The following CDK6 variants were observed in gnomAD, a reference collection of about 807,000 sequenced individuals.
CDK6 encodes the protein cyclin-dependent kinase 6.
CDK6 carries 6 observed loss-of-function variants against 37.1 expected under a neutral mutation model. That is an observed-to-expected ratio of 0.16 (90% CI 0.09 to 0.32). CDK6 has a LOEUF of 0.32. Ranked by LOEUF, CDK6 falls within the 10% of genes least tolerant of loss-of-function variation. CDK6 has a pLI of 1.00. For missense variants in CDK6, 224 were observed against 418.9 expected, an observed-to-expected ratio of 0.53 and a Z score of 4.06; for synonymous variants, 160 against 161.3, an observed-to-expected ratio of 0.99 and a Z score of 0.06.
intron 4 of CDK6, among the ~76,000 whole-genome samples, chr7:92,690,170 T>C (rs942103384): frequency 5.9e-5 from 9 of 152,224 alleles, no homozygotes; most frequent in African/African-American, 2.2e-4. Context: ...GCAATTGCTT[T>C]TGGAGTCTTT....
chr7:92,807,584 A>G (rs1328072987), intron 2 of CDK6, among the ~76,000 whole-genome samples: 2 of 151,816 alleles, frequency 1.3e-5, no homozygotes, highest in Non-Finnish European at 2.9e-5. Flanking sequence ...ATATAAATAC[A>G]TATTATTTTT....
At chr7:92,692,527 G>A (rs1201772131) in intron 4 of CDK6, among the ~76,000 whole-genome samples, 1 of 151,378 alleles carries the variant, frequency 6.6e-6, no homozygotes, top group Admixed American at 6.6e-5. Flanking sequence ...GCTCATGCCT[G>A]TAATCCAGCA....
chr7:92,814,456 A>G (rs1800970856), intron 2 of CDK6, among the ~76,000 whole-genome samples: 1 of 152,062 alleles, frequency 6.6e-6, no homozygotes, highest in African/African-American at 2.4e-5. Context: ...GACATTACCC[A>G]AATTTAAGAA....
At chr7:92,679,222 C>A (rs908199648) in intron 4 of CDK6, among the ~76,000 whole-genome samples, 3 of 152,134 alleles carry the variant, frequency 2.0e-5, no homozygotes, top group Admixed American at 6.5e-5. Context: ...GTGGCAACTT[C>A]TTCTCCAAGT....
intron 5 of CDK6, among the ~76,000 whole-genome samples, chr7:92,666,325 C>T (rs1796955598): frequency 6.6e-6 from 1 of 152,162 alleles, no homozygotes; most frequent in Non-Finnish European, 1.5e-5. Context: ...TTTTTCTCTA[C>T]TAGGATTTAA....
intron 5 of CDK6, among the ~76,000 whole-genome samples, chr7:92,654,304 T>C (rs898663566): frequency 6.6e-6 from 1 of 152,100 alleles, no homozygotes; most frequent in Non-Finnish European, 1.5e-5. Flanking sequence ...TTTTTTTCTT[T>C]GGTTTTTTGA....
chr7:92,668,241 A>G (rs201950657), intron 5 of CDK6, among the ~76,000 whole-genome samples: 9 of 152,220 alleles, frequency 5.9e-5, no homozygotes, highest in Non-Finnish European at 1.2e-4. Context: ...AAGCTATACC[A>G]TATAACCTAG....
At chr7:92,737,649 A>T (rs1179274598) in intron 3 of CDK6, among the ~76,000 whole-genome samples, 4 of 152,342 alleles carry the variant, frequency 2.6e-5, no homozygotes, top group African/African-American at 7.2e-5. Context: ...TTACAAATGA[A>T]CTTTCTTACA....
In CDK6 at chr7:92,725,805, A is replaced by T. The variant is rs372394214; in HGVS notation, c.370-12T>A. On this transcript the variant is annotated splice_polypyrimidine_tract_variant and intron_variant, in intron 3 of 7. Transcript: ENST00000424848. The stretch of plus-strand genomic sequence containing the variant: ...TGAAACATCATATCCTAATAAAATT[A>T]AAAAAAGAAAATCAGTAAACACTCA... 1.1e-4 allele frequency: 173 copies of T among 1,600,606 alleles called. 1 individual carries two copies. In the African/African-American group the frequency reaches 1.3e-3, roughly 12 times the overall value.
chr7:92,707,951 A>C (rs897206403), intron 4 of CDK6, among the ~76,000 whole-genome samples: 1 of 152,184 alleles, frequency 6.6e-6, no homozygotes, highest in Admixed American at 6.5e-5. Context: ...AGGCATATTT[A>C]GTTGTTTAAA....
intron 4 of CDK6, among the ~76,000 whole-genome samples, chr7:92,672,194 C>G (rs1585387101): frequency 2.0e-5 from 2 of 101,004 alleles, no homozygotes; most frequent in South Asian, 4.0e-4. Flanking sequence ...GACACATACA[C>G]ACACACACAC....
chr7:92,637,527 G>A (rs1252520237), intron 5 of CDK6, among the ~76,000 whole-genome samples: 2 of 152,232 alleles, frequency 1.3e-5, no homozygotes, highest in Non-Finnish European at 2.9e-5. Context: ...AAAAACCAGT[G>A]TGACCTAAAA....
chr7:92,720,577 TG>T (rs529091111), intron 4 of CDK6, among the ~76,000 whole-genome samples: 34 of 152,288 alleles, frequency 2.2e-4, no homozygotes, highest in South Asian at 4.1e-4. Context: ...GCATCATAAA[TG>T]GGAAGACAAG....
At chr7:92,771,555 T>A (rs1799719633) in intron 3 of CDK6, among the ~76,000 whole-genome samples, 1 of 152,322 alleles carries the variant, frequency 6.6e-6, no homozygotes, top group East Asian at 1.9e-4. Context: ...ACCCCTAAAC[T>A]ACTTAAATAA....
At chr7:92,676,673 C>A (rs1318346306) in intron 4 of CDK6, among the ~76,000 whole-genome samples, 6 of 152,056 alleles carry the variant, frequency 3.9e-5, no homozygotes, top group Admixed American at 2.0e-4. Context: ...CTAAACTGTG[C>A]TCTAATCTGT....
At chr7:92,784,084 A>C (rs1270429323) in intron 2 of CDK6, among the ~76,000 whole-genome samples, 3 of 152,162 alleles carry the variant, frequency 2.0e-5, no homozygotes, top group Non-Finnish European at 2.9e-5. Context: ...TTATGGGAAA[A>C]AAAAAAGCTT....
intron 4 of CDK6, among the ~76,000 whole-genome samples, chr7:92,715,715 T>C (rs528527364): frequency 1.1e-4 from 17 of 152,212 alleles, no homozygotes; most frequent in South Asian, 4.2e-4. Flanking sequence ...TACAAAGTAA[T>C]TGTATAAAAG....
chr7:92,725,318 T>C (rs746315750), intron 4 of CDK6: 5 of 985,456 alleles, frequency 5.1e-6, no homozygotes, highest in Middle Eastern at 5.2e-4. Flanking sequence ...GCATTGTACA[T>C]ACAGCTCTGA....
At chr7:92,640,500 A>T (rs1796279063) in intron 5 of CDK6, among the ~76,000 whole-genome samples, 1 of 152,216 alleles carries the variant, frequency 6.6e-6, no homozygotes, top group Non-Finnish European at 1.5e-5. Context: ...CCGTATCAAC[A>T]AAAACTCCAT....
Sources: allele counts gnomAD v4.1 joint callset (sites outside exome capture counted in the v4.1 genomes callset), GRCh38; gene constraint gnomAD v4.1.1; transcripts MANE v1.5; gene names NCBI Gene and HGNC (gene_info 2026-07-23, HGNC 2026-07-21).